The following PAX7 variants were observed in gnomAD, a reference collection of about 807,000 sequenced individuals.
PAX7 encodes paired box protein Pax-7.
In PAX7, 18 loss-of-function variants were observed where a neutral mutation model predicts 50.7. The ratio of observed to expected loss-of-function variants is 0.36; its 90% CI spans 0.25 to 0.53. The LOEUF (loss-of-function observed/expected upper bound fraction) is 0.53, where lower values mean the gene tolerates loss of function less well. Among genes scored for constraint, PAX7 ranks in the 20% least tolerant of loss-of-function variants. The probability of loss-of-function intolerance (pLI) is 0.93; values close to 1 mark genes in which losing one functional copy is unlikely to be tolerated. For synonymous variants in PAX7, 310 were observed against 290.4 expected (o/e 1.07, Z -0.69); for missense variants, 644 against 702.9 (o/e 0.92, Z 0.95).
intron 7 of PAX7, among the ~76,000 whole-genome samples, chr1:18,725,302 G>GCCCCCCCC (rs3216186): frequency 9.4e-6 from 1 of 106,354 alleles, no homozygotes; most frequent in Non-Finnish European, 1.9e-5. Flanking sequence ...AGGTGGAGAC[G>GCCCCCCCC]CCCCCCCCCC....
At chr1:18,643,619 G>C (rs931232021) in intron 4 of PAX7, among the ~76,000 whole-genome samples, 16 of 152,228 alleles carry the variant, frequency 1.1e-4, no homozygotes, top group Non-Finnish European at 1.5e-5. Context: ...GAGAGCACGG[G>C]CCGAGAGGGC....
chr1:18,712,857 G>C (rs182373951), intron 7 of PAX7, among the ~76,000 whole-genome samples: 2 of 152,126 alleles, frequency 1.3e-5, no homozygotes, highest in Non-Finnish European at 2.9e-5. Flanking sequence ...TGAGGCGGGC[G>C]GATCGCTTGA....
At chr1:18,664,229 A>G (rs2088636335) in intron 4 of PAX7, among the ~76,000 whole-genome samples, 2 of 149,826 alleles carry the variant, frequency 1.3e-5, no homozygotes, top group South Asian at 4.1e-4. Flanking sequence ...GCCCAAGGTC[A>G]CACAGCTAAT....
At chr1:18,717,251 G>C (rs943184946) in intron 7 of PAX7, among the ~76,000 whole-genome samples, 1 of 152,172 alleles carries the variant, frequency 6.6e-6, no homozygotes, top group African/African-American at 2.4e-5. Flanking sequence ...CCCGGACTGC[G>C]GAGCCGCCGC....
intron 4 of PAX7, among the ~76,000 whole-genome samples, chr1:18,677,385 G>A (rs879933778): frequency 3.3e-5 from 5 of 152,142 alleles, no homozygotes; most frequent in South Asian, 2.1e-4. Flanking sequence ...CCCATCTTTC[G>A]GAGAGTGGGT....
At chr1:18,744,791 GGA>G (rs1931356757) in intron 8 of PAX7, 21 bp from the exon 9 acceptor site, 1 of 1,410,844 alleles carries the variant, frequency 7.1e-7, no homozygotes, top group Admixed American at 2.0e-5. Flanking sequence ...TCAATTTCTA[GGA>G]GAGTCTCTTC....
chr1:18,737,868 GA>G (rs1214130177), intron 8 of PAX7, among the ~76,000 whole-genome samples: 1 of 152,254 alleles, frequency 6.6e-6, no homozygotes, highest in Non-Finnish European at 1.5e-5. Context: ...TAGGTATAAT[GA>G]ATATGTATGC....
At chr1:18,698,832 T>C (rs2089181082) in intron 5 of PAX7, among the ~76,000 whole-genome samples, 3 of 152,194 alleles carry the variant, frequency 2.0e-5, no homozygotes. Context: ...AGCCGGCAGC[T>C]CTTGTTTATC....
intron 4 of PAX7, among the ~76,000 whole-genome samples, chr1:18,672,071 G>T (rs967832529): frequency 3.9e-5 from 6 of 152,144 alleles, no homozygotes; most frequent in Admixed American, 3.9e-4. Flanking sequence ...GAATGTCTGA[G>T]CAGAGTATGG....
intron 4 of PAX7, among the ~76,000 whole-genome samples, chr1:18,685,701 T>C (rs1043447608): frequency 1.3e-5 from 2 of 152,218 alleles, no homozygotes; most frequent in Admixed American, 6.5e-5. Flanking sequence ...CAGGGAACTG[T>C]ATGGGATGGC....
chr1:18,664,418 G>T (rs1483451461), intron 4 of PAX7, among the ~76,000 whole-genome samples: 1 of 152,206 alleles, frequency 6.6e-6, no homozygotes, highest in Non-Finnish European at 1.5e-5. Context: ...ATGGGGAGCT[G>T]GTGACCTGGA....
chr1:18,732,239 G>T (rs114953080), intron 7 of PAX7, among the ~76,000 whole-genome samples: 1,746 of 152,232 alleles, frequency 0.011, 38 homozygotes, highest in African/African-American at 0.04. Flanking sequence ...TGTCAGCTTC[G>T]TTCCTTAGGC....
chr1:18,655,526 A>T (rs1043178697), intron 4 of PAX7, among the ~76,000 whole-genome samples: 5 of 152,166 alleles, frequency 3.3e-5, no homozygotes, highest in African/African-American at 1.2e-4. Flanking sequence ...CACAGTCCCC[A>T]GTGTCTGGCA....
At chr1:18,646,784 C>A (rs931260154) in intron 4 of PAX7, among the ~76,000 whole-genome samples, 1 of 151,384 alleles carries the variant, frequency 6.6e-6, no homozygotes, top group African/African-American at 2.4e-5. Context: ...CACCGACGGC[C>A]GCGGGGGAAG....
intron 4 of PAX7, among the ~76,000 whole-genome samples, chr1:18,665,815 G>A (rs537334545): frequency 5.0e-4 from 76 of 151,924 alleles, no homozygotes; most frequent in Non-Finnish European, 8.4e-4. Context: ...GACTACAGGC[G>A]TGCACCACCA....
chr1:18,747,001 C>T lies in PAX7; in HGVS notation c.*2072C>T. 4.3e-6 allele frequency: 1 copy of T among 231,130 alleles called. No homozygotes were observed. Among genetic ancestry groups the T allele is most frequent in the Admixed American group, 5.6e-5 (1 of 17,736 alleles). The allele number at this position is 231,130 out of a possible 1,614,324, so 14.3% of individuals were successfully genotyped here. A position where few individuals can be genotyped will look rare whatever the true frequency, so the allele number is the denominator to read the frequency against. ...TGCCAGAGACCTTTGGCTCTTCAAG[C>T]TCGGGACAAAAAAGAAGACTCTGTT... On this transcript the variant is annotated 3_prime_UTR_variant, in exon 9 of 9. Coordinates refer to ENST00000420770, the MANE Select transcript of PAX7 (RefSeq NM_001135254.2).
In PAX7 at chr1:18,708,476, C is replaced by T. The variant is rs564519582; in HGVS notation, c.1155+5180C>T. ...TGGCTGAGGTGGGAGGATTGATTGACCCTGGGAGGTTGAGGCTGCAGTGAG... is the reference window on the plus strand; with the variant it reads ...TGGCTGAGGTGGGAGGATTGATTGATCCTGGGAGGTTGAGGCTGCAGTGAG... On this transcript the variant is annotated intron_variant, in intron 7 of 8. Transcript: ENST00000420770. 3.9e-5 allele frequency among the ~76,000 whole-genome samples: 6 copies of T among 152,126 alleles called. No individual in the cohort carries two copies. In the South Asian group the frequency reaches 8.3e-4, roughly 21 times the overall value.
At chr1:18,687,989 T>C (rs1400209564) in intron 4 of PAX7, among the ~76,000 whole-genome samples, 1 of 152,144 alleles carries the variant, frequency 6.6e-6, no homozygotes, top group Non-Finnish European at 1.5e-5. Context: ...AGGGATCAGC[T>C]GAAGCATGGG....
At chr1:18,704,290 T>C (rs1370642866) in intron 7 of PAX7, among the ~76,000 whole-genome samples, 8 of 152,210 alleles carry the variant, frequency 5.3e-5, no homozygotes, top group Non-Finnish European at 1.0e-4. Flanking sequence ...GTATGGTGGC[T>C]TTTTTGCCAC....
Sources: allele counts gnomAD v4.1 joint callset (sites outside exome capture counted in the v4.1 genomes callset), GRCh38; gene constraint gnomAD v4.1.1; transcripts MANE v1.5; gene names NCBI Gene and HGNC (gene_info 2026-07-23, HGNC 2026-07-21).